CCDC102B: variants seen among roughly 807,000 people sequenced by gnomAD.
The protein encoded by CCDC102B is coiled-coil domain containing 102B, also known as coiled-coil domain-containing protein 102B.
Under a neutral mutation model 57.4 loss-of-function variants are expected in CCDC102B, and 75 were observed. The ratio of observed to expected loss-of-function variants is 1.31; its 90% CI spans 1.08 to 1.58. The LOEUF is 1.58. CCDC102B is among the 40% of genes most tolerant of loss of function. The pLI is 0.00. For synonymous variants in CCDC102B, 206 were observed against 201.9 expected, an observed-to-expected ratio of 1.02 and a Z score of -0.17; for missense variants, 636 against 582.6, an observed-to-expected ratio of 1.09 and a Z score of -0.94.
chr18:68,860,878 T>C (rs1167801188), intron 4 of CCDC102B, among the ~76,000 whole-genome samples: 1 of 146,896 alleles, frequency 6.8e-6, no homozygotes, highest in African/African-American at 2.5e-5. Flanking sequence ...GGAATTTTTT[T>C]CCATTTTGTT....
chr18:68,955,155 A>C (rs1377040532), intron 6 of CCDC102B, among the ~76,000 whole-genome samples: 2 of 152,206 alleles, frequency 1.3e-5, no homozygotes, highest in Admixed American at 6.5e-5. Context: ...TTTTAAACTG[A>C]GTTTAAAAAA....
chr18:69,050,568 A>G (rs983351001), intron 7 of CCDC102B, among the ~76,000 whole-genome samples: 2 of 152,208 alleles, frequency 1.3e-5, no homozygotes, highest in African/African-American at 4.8e-5. Context: ...TAGATAATGT[A>G]TGCTAAATGC....
At chr18:68,816,575 C>T (rs2036488976) in intron 1 of CCDC102B, among the ~76,000 whole-genome samples, 1 of 150,478 alleles carries the variant, frequency 6.6e-6, no homozygotes, top group Admixed American at 6.7e-5. Flanking sequence ...ACGCCATTCT[C>T]CTGCCTCAGC....
chr18:68,931,794 C>T (rs745988579), intron 6 of CCDC102B, among the ~76,000 whole-genome samples: 2 of 151,808 alleles, frequency 1.3e-5, no homozygotes, highest in Non-Finnish European at 2.9e-5. Flanking sequence ...GTACCTCTCA[C>T]CCATATCCAT....
chr18:68,805,217 A>C (rs1362654680), intron 1 of CCDC102B, among the ~76,000 whole-genome samples: 4 of 152,222 alleles, frequency 2.6e-5, no homozygotes, highest in Non-Finnish European at 5.9e-5. Flanking sequence ...ATAAGATATG[A>C]AAATTTTGAA....
At chr18:68,861,755 AG>A (rs2038769903) in intron 4 of CCDC102B, among the ~76,000 whole-genome samples, 3 of 152,186 alleles carry the variant, frequency 2.0e-5, no homozygotes, top group Admixed American at 2.0e-4. Flanking sequence ...GTGGGCCCCC[AG>A]GGTTCTCTCT....
At chr18:68,922,016 G>A (rs2041299898) in intron 6 of CCDC102B, among the ~76,000 whole-genome samples, 1 of 152,074 alleles carries the variant, frequency 6.6e-6, no homozygotes, top group Admixed American at 6.5e-5. Flanking sequence ...CACTTGATTA[G>A]TGCTATTATC....
intron 2 of CCDC102B, among the ~76,000 whole-genome samples, chr18:68,765,316 GGAAGGAAGGAAA>G (rs1192774495): frequency 0.024 from 861 of 36,372 alleles, 2 homozygotes; most frequent in Admixed American, 0.091. Flanking sequence ...AAGGAAGGAA[GGAAGGAAGGAAA>G]GAAAGAAAGA....
At chr18:68,869,424 G>A (rs1204802863) in intron 4 of CCDC102B, among the ~76,000 whole-genome samples, 1 of 152,190 alleles carries the variant, frequency 6.6e-6, no homozygotes, top group Admixed American at 6.5e-5. Context: ...GTCAAGTAAG[G>A]GCAGAACTGA....
intron 7 of CCDC102B, among the ~76,000 whole-genome samples, chr18:69,043,297 A>T (rs1261896676): frequency 6.6e-6 from 1 of 152,110 alleles, no homozygotes; most frequent in Non-Finnish European, 1.5e-5. Context: ...ATACGGAGAC[A>T]TTCCATTGCC....
In CCDC102B at chr18:68,911,751, C is replaced by CAAAAAAAAA. The variant is rs74175338; in HGVS notation, c.1263+14339_1263+14347dup. Among the ~76,000 whole-genome samples the CAAAAAAAAA allele has an allele frequency of 1.0e-2, 179 of 17,974 alleles. 2 individuals carry two copies. Among genetic ancestry groups the CAAAAAAAAA allele is most frequent in the East Asian group, 0.02 (20 of 1,000 alleles). The allele number at this position is 17,974 out of a possible 152,430, so 11.8% of individuals were successfully genotyped here. On this transcript the variant is annotated intron_variant, in intron 6 of 7. Coordinates refer to ENST00000360242, the MANE Select transcript of CCDC102B (RefSeq NM_024781.3). ...TGGGCGACAGAGCGAGACTCCGTCT[C>CAAAAAAAAA]AAAAAAAAAAAAAAAAAAAAAAAAG...
chr18:68,774,871 T>C (rs2034757292), intron 2 of CCDC102B, among the ~76,000 whole-genome samples: 1 of 151,610 alleles, frequency 6.6e-6, no homozygotes, highest in Non-Finnish European at 1.5e-5. Flanking sequence ...AATTTTAATA[T>C]ATATTAATAA....
At chr18:68,928,878 G>A (rs1490123129) in intron 6 of CCDC102B, among the ~76,000 whole-genome samples, 2 of 151,758 alleles carry the variant, frequency 1.3e-5, no homozygotes, top group Non-Finnish European at 2.9e-5. Flanking sequence ...TTGAAATGAG[G>A]AGTCGTGGTA....
chr18:69,011,082 G>T lies in CCDC102B; in HGVS notation c.1412G>T (p.Gly471Val). 6.2e-7 allele frequency: 1 copy of T among 1,613,208 alleles called. No homozygotes were observed. Among genetic ancestry groups the T allele is most frequent in the South Asian group, 1.1e-5 (1 of 90,958 alleles). ...TTACGAGTGGAAGAACTAAAGCAGG[G>T]ACTCAATCAAAAAGAAGATGAGGTA... ...LRLRVEELKQ[G>V]LNQKEDELDD... is the part of the protein sequence containing the mutation. The change falls in exon 7 of 8, where the codon GGA (glycine) becomes GTA (valine). Residue 471 changes from glycine (G) to valine (V), a missense_variant. Coordinates refer to ENST00000360242, the MANE Select transcript of CCDC102B (RefSeq NM_024781.3).
intron 2 of CCDC102B, among the ~76,000 whole-genome samples, chr18:68,783,751 T>C (rs201127682): frequency 6.6e-6 from 1 of 152,154 alleles, no homozygotes; most frequent in Non-Finnish European, 1.5e-5. Context: ...TAAATCACCC[T>C]TTCTTGATTT....
chr18:68,738,932 A>G (rs1188067864), intron 2 of CCDC102B, among the ~76,000 whole-genome samples: 3 of 151,288 alleles, frequency 2.0e-5, no homozygotes, highest in African/African-American at 7.3e-5. Context: ...CTGTTTTCAC[A>G]CAAAGTGGAT....
At chr18:69,034,869 T>C (rs1220410574) in intron 7 of CCDC102B, among the ~76,000 whole-genome samples, 1 of 151,794 alleles carries the variant, frequency 6.6e-6, no homozygotes, top group African/African-American at 2.4e-5. Context: ...TGGTTCAAAA[T>C]ATTGAGAATA....
intron 1 of CCDC102B, among the ~76,000 whole-genome samples, chr18:68,813,774 T>TA: frequency 6.9e-6 from 1 of 145,962 alleles, no homozygotes; most frequent in Non-Finnish European, 1.5e-5. Context: ...AAATATAATT[T>TA]TATATATATA....
rs138684104 is a variant in CCDC102B at position 69,048,206 on chromosome 18, A to T, written c.1435-5824A>T. 3.8e-3 allele frequency among the ~76,000 whole-genome samples: 573 copies of T among 151,922 alleles called. 3 individuals carry two copies. The highest frequency in any genetic ancestry group is 0.013 in the African/African-American group (539 of 41,486). On this transcript the variant is annotated intron_variant, in intron 7 of 7. Transcript: ENST00000360242. ...AAGTACTGGCACTGTAATGCCAAAT[A>T]AGTGTGTGTGTGTGTGTTTTTTTTT...
Sources: gnomAD v4.1 joint callset for allele counts (sites outside exome capture counted in the v4.1 genomes callset) on GRCh38, gnomAD v4.1.1 for gene constraint, MANE v1.5 for transcripts, NCBI Gene and HGNC (gene_info 2026-07-23, HGNC 2026-07-21) for gene names.